Variants in EXOC6B observed in about 807,000 individuals in gnomAD.
EXOC6B encodes SEC15 homolog B.
EXOC6B carries 54 observed loss-of-function variants against 113.5 expected under a neutral mutation model. The observed-to-expected ratio is 0.48, with a 90% confidence interval of 0.38 to 0.60. The LOEUF (loss-of-function observed/expected upper bound fraction) is 0.60, where lower values mean the gene tolerates loss of function less well. EXOC6B is among the 20% of genes least tolerant of loss of function. EXOC6B has a pLI of 0.00. For synonymous variants in EXOC6B, 357 were observed against 339.0 expected (o/e 1.05, Z -0.58); for missense variants, 797 against 977.5 (o/e 0.82, Z 2.46).
At chr2:72,511,475 A>C (rs1477547917) in intron 11 of EXOC6B, among the ~76,000 whole-genome samples, 1 of 152,102 alleles carries the variant, frequency 6.6e-6, no homozygotes, top group Non-Finnish European at 1.5e-5. Context: ...ATCTCTCAAT[A>C]CTTACTATCA....
At chr2:72,824,863 G>A (rs754237109) in intron 1 of EXOC6B, among the ~76,000 whole-genome samples, 2 of 152,134 alleles carry the variant, frequency 1.3e-5, no homozygotes, top group Non-Finnish European at 2.9e-5. Flanking sequence ...GCAAAACAGT[G>A]GTTAAGTGTC....
At chr2:72,569,100 A>G (rs1239509718) in intron 7 of EXOC6B, among the ~76,000 whole-genome samples, 1 of 152,114 alleles carries the variant, frequency 6.6e-6, no homozygotes, top group African/African-American at 2.4e-5. Flanking sequence ...TTTCCATTCA[A>G]CCTTCTAAAT....
intron 8 of EXOC6B, among the ~76,000 whole-genome samples, chr2:72,550,065 G>A (rs1356280064): frequency 6.6e-6 from 1 of 152,038 alleles, no homozygotes; most frequent in South Asian, 2.1e-4. Flanking sequence ...AGAATGTAAA[G>A]GAATGCGAGA....
intron 18 of EXOC6B, among the ~76,000 whole-genome samples, chr2:72,429,997 A>G (rs1385693783): frequency 6.6e-6 from 1 of 152,248 alleles, no homozygotes; most frequent in Non-Finnish European, 1.5e-5. Context: ...GGATCCATAC[A>G]GTGGCTCTAA....
At chr2:72,605,073 G>A (rs539054157) in intron 6 of EXOC6B, among the ~76,000 whole-genome samples, 3 of 151,898 alleles carry the variant, frequency 2.0e-5, no homozygotes, top group South Asian at 2.1e-4. Flanking sequence ...TTATGAGGTC[G>A]GGAGTTCAAG....
intron 7 of EXOC6B, among the ~76,000 whole-genome samples, chr2:72,573,549 T>C (rs1023621675): frequency 1.3e-5 from 2 of 152,182 alleles, no homozygotes; most frequent in Non-Finnish European, 2.9e-5. Context: ...CCATGAGTCA[T>C]TAGGCCAATA....
At chr2:72,379,914 T>C (rs369216062) in intron 18 of EXOC6B, 44 bp from the exon 19 acceptor site, 104 of 1,483,108 alleles carry the variant, frequency 7.0e-5, no homozygotes, top group Non-Finnish European at 8.5e-5. Flanking sequence ...GCATCTAACA[T>C]AAATTAAAAT....
At chr2:72,586,178 A>G (rs771148803) in intron 6 of EXOC6B, among the ~76,000 whole-genome samples, 35 of 152,190 alleles carry the variant, frequency 2.3e-4, no homozygotes, top group Non-Finnish European at 4.1e-4. Context: ...CATTCCAGAC[A>G]TCAGCCTTGG....
At chr2:72,705,828 C>A (rs1364211096) in intron 6 of EXOC6B, among the ~76,000 whole-genome samples, 2 of 152,172 alleles carry the variant, frequency 1.3e-5, no homozygotes, top group Non-Finnish European at 2.9e-5. Flanking sequence ...GTTATGCGCT[C>A]ATTTCTCTGT....
chr2:72,467,829 G>A (rs1698149569), intron 17 of EXOC6B, among the ~76,000 whole-genome samples: 1 of 151,664 alleles, frequency 6.6e-6, no homozygotes, highest in South Asian at 2.1e-4. Context: ...GGAGTGAAGT[G>A]GCACACTCTT....
chr2:72,488,125 C>A (rs1242233639), intron 16 of EXOC6B, among the ~76,000 whole-genome samples: 1 of 152,154 alleles, frequency 6.6e-6, no homozygotes, highest in Non-Finnish European at 1.5e-5. Flanking sequence ...AATCCAATGG[C>A]AATTCTTCAC....
chr2:72,389,437 A>C (rs1235896353), intron 18 of EXOC6B, among the ~76,000 whole-genome samples: 1 of 152,050 alleles, frequency 6.6e-6, no homozygotes, highest in Non-Finnish European at 1.5e-5. Flanking sequence ...CATATTAAAA[A>C]ACAAAAATTG....
chr2:72,286,778 T>G (rs1438436126), intron 20 of EXOC6B, among the ~76,000 whole-genome samples: 1 of 152,160 alleles, frequency 6.6e-6, no homozygotes, highest in African/African-American at 2.4e-5. Flanking sequence ...TATATTCCTC[T>G]TAATTTTGTG....
intron 8 of EXOC6B, among the ~76,000 whole-genome samples, chr2:72,532,051 C>T (rs1171347352): frequency 2.6e-5 from 4 of 152,058 alleles, no homozygotes; most frequent in South Asian, 2.1e-4. Flanking sequence ...AGCTCCAAAG[C>T]GGAAACAGCC....
At chr2:72,409,278 A>T (rs934678216) in intron 18 of EXOC6B, among the ~76,000 whole-genome samples, 1 of 152,224 alleles carries the variant, frequency 6.6e-6, no homozygotes, top group Non-Finnish European at 1.5e-5. Context: ...GGGACTGTAA[A>T]CTAGTTCAAC....
At chr2:72,261,182 A>C (rs1683689016) in intron 20 of EXOC6B, among the ~76,000 whole-genome samples, 1 of 152,198 alleles carries the variant, frequency 6.6e-6, no homozygotes, top group African/African-American at 2.4e-5. Flanking sequence ...ATTCAAAGAA[A>C]TACAAAAATC....
intron 12 of EXOC6B, among the ~76,000 whole-genome samples, chr2:72,499,348 A>G (rs1700203609): frequency 6.6e-6 from 1 of 151,456 alleles, no homozygotes; most frequent in African/African-American, 2.4e-5. Context: ...CTCCTGCCTC[A>G]GCCTCCCAAG....
chr2:72,279,720 G>A (rs1558516364), intron 20 of EXOC6B, among the ~76,000 whole-genome samples: 1 of 151,988 alleles, frequency 6.6e-6, no homozygotes, highest in East Asian at 1.9e-4. Context: ...CTCAAGCCAT[G>A]CTCCCACCTC....
chr2:72,245,928 A>T (rs1682626430), intron 20 of EXOC6B, among the ~76,000 whole-genome samples: 1 of 152,234 alleles, frequency 6.6e-6, no homozygotes, highest in Non-Finnish European at 1.5e-5. Flanking sequence ...TTAAAAAACA[A>T]AAATCATTAG....
Sources: allele counts gnomAD v4.1 joint callset (sites outside exome capture counted in the v4.1 genomes callset), GRCh38; gene constraint gnomAD v4.1.1; transcripts MANE v1.5; gene names NCBI Gene and HGNC (gene_info 2026-07-23, HGNC 2026-07-21).